AQP2: variants seen among roughly 807,000 people sequenced by gnomAD.
AQP2 encodes the protein aquaporin-2.
Under a neutral mutation model 21.6 loss-of-function variants are expected in AQP2, and 20 were observed. The observed-to-expected ratio is 0.92, with a 90% CI of 0.65 to 1.34. The LOEUF is 1.34. AQP2 is among the 40% of genes most tolerant of loss of function. AQP2 has a pLI of 0.00. For synonymous variants in AQP2, 168 were observed against 166.9 expected (o/e 1.01, Z -0.05); for missense variants, 325 against 363.4 (o/e 0.89, Z 0.86).
chr12:49,955,713 C>A lies in AQP2; in HGVS notation c.*105C>A. ...CGCAGGTCTGAAGTTGGCCCCCCAG[C>A]GCAGAGTAGCTGCTTCCTGGACGTG... On this transcript the variant is annotated 3_prime_UTR_variant, in exon 4 of 4. Coordinates refer to ENST00000199280, the MANE Select transcript of AQP2 (RefSeq NM_000486.6). 7.3e-7 allele frequency: 1 copy of A among 1,376,442 alleles called. No individual in the cohort carries two copies. Among genetic ancestry groups the A allele is most frequent in the Non-Finnish European group, 1.0e-6 (1 of 1,004,780 alleles). 85.3% of individuals were successfully genotyped at this position (1,376,442 alleles called of 1,614,324 possible). A position where few individuals can be genotyped will look rare whatever the true frequency, so the allele number is the denominator to read the frequency against.
chr12:49,955,705 C>T lies in AQP2; in HGVS notation c.*97C>T. On this transcript the variant is annotated 3_prime_UTR_variant, in exon 4 of 4. Coordinates refer to ENST00000199280, the MANE Select transcript of AQP2 (RefSeq NM_000486.6). Reference sequence around the variant, plus strand: ...TCCTCTCCCGCAGGTCTGAAGTTGGCCCCCCAGCGCAGAGTAGCTGCTTCC... The same window carrying T: ...TCCTCTCCCGCAGGTCTGAAGTTGGTCCCCCAGCGCAGAGTAGCTGCTTCC... 1 of 1,416,588 alleles carries T rather than the reference C, an allele frequency of 7.1e-7. No individual in the cohort carries two copies. Among genetic ancestry groups the T allele is most frequent in the Non-Finnish European group, 9.6e-7 (1 of 1,041,656 alleles). The allele number at this position is 1,416,588 out of a possible 1,614,324, so 87.8% of individuals were successfully genotyped here. A position where few individuals can be genotyped will look rare whatever the true frequency, so the allele number is the denominator to read the frequency against.
In AQP2 at chr12:49,955,959, AC is replaced by A; in HGVS notation, c.*352del. On this transcript the variant is annotated 3_prime_UTR_variant, in exon 4 of 4. Coordinates refer to ENST00000199280, the MANE Select transcript of AQP2 (RefSeq NM_000486.6). ...CACCCAGGTACTGAGTGGGGAGTGTACAGACCCCTGCCTTGGGGGTTCCGGG... is the reference window on the plus strand; with the variant it reads ...CACCCAGGTACTGAGTGGGGAGTGTAAGACCCCTGCCTTGGGGGTTCCGGG... 1 of 485,400 alleles carries A rather than the reference AC, an allele frequency of 2.1e-6. No individual in the cohort carries two copies. Among genetic ancestry groups the A allele is most frequent in the South Asian group, 2.3e-5 (1 of 44,402 alleles). The allele number at this position is 485,400 out of a possible 1,614,324, so 30.1% of individuals were successfully genotyped here. A position where few individuals can be genotyped will look rare whatever the true frequency, so the allele number is the denominator to read the frequency against.
chr12:49,952,457 G>C (rs1225515418), intron 1 of AQP2, among the ~76,000 whole-genome samples: 1 of 152,198 alleles, frequency 6.6e-6, no homozygotes, highest in Admixed American at 6.5e-5. Context: ...CAGGGGCCAA[G>C]GAAAGGCTAG....
chr12:49,957,889 C>G lies in AQP2; in HGVS notation c.*2281C>G, dbSNP rs888910649. Reference sequence around the variant, plus strand: ...CCCAACAAACTCCTCTAGAAGAAGCCAAGAATTTCTCTCTATGTCTGTTTC... The same window carrying G: ...CCCAACAAACTCCTCTAGAAGAAGCGAAGAATTTCTCTCTATGTCTGTTTC... On this transcript the variant is annotated 3_prime_UTR_variant, in exon 4 of 4. Coordinates refer to ENST00000199280, the MANE Select transcript of AQP2 (RefSeq NM_000486.6). 1 of 122,928 alleles carries G rather than the reference C, an allele frequency of 8.1e-6. No individual in the cohort carries two copies. Among genetic ancestry groups the G allele is most frequent in the Admixed American group, 7.9e-5 (1 of 12,592 alleles). The allele number at this position is 122,928 out of a possible 1,614,324, so 7.6% of individuals were successfully genotyped here.
Position 49,956,309 on chromosome 12 carries a change from G to A in AQP2, c.*701G>A, listed in dbSNP as rs190748197. On this transcript the variant is annotated 3_prime_UTR_variant, in exon 4 of 4. Transcript: ENST00000199280. ...TCCTCCTGGAAAATTTCCCCCACCT[G>A]CAGCGCTGGGCCCCAAGGCTTGCCA... 1 of 152,766 alleles carries A rather than the reference G, an allele frequency of 6.5e-6. No homozygotes were observed. Among genetic ancestry groups the A allele is most frequent in the Admixed American group, 6.5e-5 (1 of 15,364 alleles). 9.5% of individuals were successfully genotyped at this position (152,766 alleles called of 1,614,324 possible). A position where few individuals can be genotyped will look rare whatever the true frequency, so the allele number is the denominator to read the frequency against.
Position 49,954,648 on chromosome 12 carries a change from T to C in AQP2, c.544T>C (p.Ser182Pro). The change falls in exon 3 of 4, where the codon TCT (serine) becomes CCT (proline). Residue 182 changes from serine to proline, a missense_variant. Transcript: ENST00000199280. The part of the protein sequence containing the change: ...HLLGIHYTGC[S>P]MNPARSLAPA... ...ACTGCAGATCCATTACACCGGCTGC[T>C]CTATGAATCCTGCCCGCTCCCTGGC... is the stretch of plus-strand genomic sequence containing the variant. The C allele has an allele frequency of 6.2e-7, 1 of 1,614,184 alleles. No homozygotes were observed. The highest frequency in any genetic ancestry group is 8.5e-7 in the Non-Finnish European group (1 of 1,180,020).
At position 49,951,632 on chromosome 12, in the gene AQP2, G is replaced by A. The variant is rs74091149; in HGVS notation, c.360+442G>A. On this transcript the variant is annotated intron_variant, in intron 1 of 3. Transcript: ENST00000199280. ...TTGAGGGTTTGCAGGTCCCGTGGCA[G>A]GTGCTCCTTACAGGCCAGGCACGGA... is the stretch of plus-strand genomic sequence containing the variant. 4.7e-3 allele frequency: 805 copies of A among 169,856 alleles called. 12 individuals carry two copies. Among genetic ancestry groups the A allele is most frequent in the African/African-American group, 0.018 (765 of 42,158 alleles). 10.5% of individuals were successfully genotyped at this position (169,856 alleles called of 1,614,324 possible). A position where few individuals can be genotyped will look rare whatever the true frequency, so the allele number is the denominator to read the frequency against.
Position 49,950,822 on chromosome 12 carries a change from C to T in AQP2, c.-9C>T, listed in dbSNP as rs912994825. On this transcript the variant is annotated 5_prime_UTR_variant, in exon 1 of 4. Coordinates refer to ENST00000199280, the MANE Select transcript of AQP2 (RefSeq NM_000486.6). ...AGACAGCTGGGCCAGCCCCGCAGGG[C>T]TCTGCAGCATGTGGGAGCTCCGCTC... 5.0e-6 allele frequency: 8 copies of T among 1,610,348 alleles called. No homozygotes were observed. The highest frequency in any genetic ancestry group is 1.7e-4 in the Middle Eastern group (1 of 6,010).
chr12:49,954,270 C>G lies in AQP2; in HGVS notation c.476C>G (p.Thr159Ser). The change falls in exon 2 of 4, where the codon ACC becomes AGC. Residue 159 changes from threonine to serine, a missense_variant. Transcript: ENST00000199280. ...TDERRGENPG[T>S]PALSIGFSVA... is the part of the protein sequence containing the mutation. ...GAGCGCCGCGGAGAGAACCCGGGCA[C>G]CCCTGCTCTCTCCATAGGCTTCTCT... is the stretch of plus-strand genomic sequence containing the variant. 6.2e-7 allele frequency: 1 copy of G among 1,608,790 alleles called. No homozygotes were observed. The highest frequency in any genetic ancestry group is 8.5e-7 in the Non-Finnish European group (1 of 1,179,976).
In AQP2 at chr12:49,951,089, G is replaced by A. The variant is rs749751111; in HGVS notation, c.259G>A (p.Ala87Thr). 9 of 1,610,044 alleles carry A rather than the reference G, an allele frequency of 5.6e-6. No homozygotes were observed. The highest frequency in any genetic ancestry group is 3.3e-5 in the South Asian group (3 of 90,992). The change falls in exon 1 of 4, where the codon GCC becomes ACC. Residue 87 changes from alanine (A) to threonine (T), a missense_variant. Ala to Thr is a moderately conservative substitution (Grantham distance 58). Transcript: ENST00000199280. ...VGCHVSVLRA[A>T]FYVAAQLLGA... ...CTGCCACGTCTCCGTTCTCCGAGCC[G>A]CCTTCTACGTGGCTGCCCAGCTGCT...
chr12:49,954,672 G>C lies in AQP2; in HGVS notation c.568G>C (p.Ala190Pro). The change falls in exon 3 of 4, where the codon GCT becomes CCT. Residue 190 changes from alanine (A) to proline (P), a missense_variant. Ala to Pro is a conservative substitution (Grantham distance 27). Transcript: ENST00000199280. ...CTCTATGAATCCTGCCCGCTCCCTG[G>C]CTCCAGCTGTCGTCACTGGCAAATT... ...GCSMNPARSLAPAVVTGKFDD... is the reference protein window; with the variant it reads ...GCSMNPARSLPPAVVTGKFDD... The C allele has an allele frequency of 2.5e-6, 4 of 1,614,142 alleles. No individual in the cohort carries two copies. Among genetic ancestry groups the C allele is most frequent in the Non-Finnish European group, 3.4e-6 (4 of 1,180,026 alleles).
Position 49,951,137 on chromosome 12 carries a change from C to G in AQP2, c.307C>G (p.Leu103Val). ...QLLGAVAGAA[L>V]LHEITPADIR... ...GCTGGGGGCTGTGGCCGGAGCCGCT[C>G]TGCTCCATGAGATCACGCCAGCAGA... The change falls in exon 1 of 4, where the codon CTG (leucine) becomes GTG (valine). Residue 103 changes from leucine to valine, a missense_variant. Physicochemically the swap from Leu to Val is conservative, Grantham distance 32 (BLOSUM62 1). Coordinates refer to ENST00000199280, the MANE Select transcript of AQP2 (RefSeq NM_000486.6). 6.2e-7 allele frequency: 1 copy of G among 1,606,788 alleles called. No homozygotes were observed. The highest frequency in any genetic ancestry group is 8.5e-7 in the Non-Finnish European group (1 of 1,175,278).
At chr12:49,951,541 G>A (rs76143524) in intron 1 of AQP2, 11,724 of 306,944 alleles carry the variant, frequency 0.038, 333 homozygotes, top group Non-Finnish European at 0.055. Context: ...TCCAAGCTGC[G>A]GGGAGCCTTG....
chr12:49,956,764 A>G lies in AQP2; in HGVS notation c.*1156A>G, dbSNP rs1209728290. ...ACCAGGCAATACCCATCCATCACCC[A>G]TCTCACTCTCCCCAGTCCTCAGGCA... On this transcript the variant is annotated 3_prime_UTR_variant, in exon 4 of 4. Coordinates refer to ENST00000199280, the MANE Select transcript of AQP2 (RefSeq NM_000486.6). The G allele has an allele frequency of 2.0e-5, 3 of 152,292 alleles. No homozygotes were observed. Among genetic ancestry groups the G allele is most frequent in the Non-Finnish European group, 4.4e-5 (3 of 68,138 alleles). 9.4% of individuals were successfully genotyped at this position (152,292 alleles called of 1,614,324 possible). A position where few individuals can be genotyped will look rare whatever the true frequency, so the allele number is the denominator to read the frequency against.
At position 49,956,935 on chromosome 12, in the gene AQP2, C is replaced by T. The variant is rs1186555747; in HGVS notation, c.*1327C>T. ...CAGGACCAGAGAAGGGAAATGACTT[C>T]TCCAGGCAGAGGCAGATCTGAGTCT... On this transcript the variant is annotated 3_prime_UTR_variant, in exon 4 of 4. Transcript: ENST00000199280. 6.6e-6 allele frequency: 1 copy of T among 152,614 alleles called. No individual in the cohort carries two copies. The highest frequency in any genetic ancestry group is 6.5e-5 in the Admixed American group (1 of 15,284). 9.5% of individuals were successfully genotyped at this position (152,614 alleles called of 1,614,324 possible).
In AQP2 at chr12:49,957,084, C is replaced by T. The variant is rs1373445574; in HGVS notation, c.*1476C>T. On this transcript the variant is annotated 3_prime_UTR_variant, in exon 4 of 4. Coordinates refer to ENST00000199280, the MANE Select transcript of AQP2 (RefSeq NM_000486.6). ...TGTAATTCTTAATACCATTATCACG[C>T]ATTACTAGAATCATTTCATTATTTC... 3 of 152,642 alleles carry T rather than the reference C, an allele frequency of 2.0e-5. No homozygotes were observed. The highest frequency in any genetic ancestry group is 4.4e-5 in the Non-Finnish European group (3 of 68,044). The allele number at this position is 152,642 out of a possible 1,614,324, so 9.5% of individuals were successfully genotyped here.
In AQP2 at chr12:49,955,637, C is replaced by G. The variant is rs767842696; in HGVS notation, c.*29C>G. ...CCGCCAGCGGCCTCTACGGCCCCGA[C>G]GGACGCTTGTGAGGCCCGAGGCAGA... On this transcript the variant is annotated 3_prime_UTR_variant, in exon 4 of 4. Transcript: ENST00000199280. The G allele has an allele frequency of 2.0e-6, 3 of 1,536,302 alleles. No homozygotes were observed. In the African/African-American group the frequency reaches 4.1e-5, roughly 21 times the overall value.
Position 49,957,844 on chromosome 12 carries a change from T to A in AQP2, c.*2236T>A, listed in dbSNP as rs946007899. The A allele has an allele frequency of 1.3e-5, 2 of 152,214 alleles. No homozygotes were observed. The highest frequency in any genetic ancestry group is 4.8e-5 in the African/African-American group (2 of 41,460). The allele number at this position is 152,214 out of a possible 1,614,324, so 9.4% of individuals were successfully genotyped here. A position where few individuals can be genotyped will look rare whatever the true frequency, so the allele number is the denominator to read the frequency against. The stretch of plus-strand genomic sequence containing the variant: ...CCAGCATGGATGTGTCTCAGGCACC[T>A]CATCCCCACCCCACCTCACCCCAAC... On this transcript the variant is annotated 3_prime_UTR_variant, in exon 4 of 4. Coordinates refer to ENST00000199280, the MANE Select transcript of AQP2 (RefSeq NM_000486.6).
chr12:49,952,409 C>T (rs1349784170), intron 1 of AQP2, among the ~76,000 whole-genome samples: 2 of 152,202 alleles, frequency 1.3e-5, no homozygotes, highest in African/African-American at 4.8e-5. Flanking sequence ...CACCCAGCCT[C>T]TGTTCTTTAA....
Sources: allele counts gnomAD v4.1 joint callset (sites outside exome capture counted in the v4.1 genomes callset), GRCh38; gene constraint gnomAD v4.1.1; transcripts MANE v1.5; gene names NCBI Gene and HGNC (gene_info 2026-07-23, HGNC 2026-07-21).